The following LRP1B variants were observed in gnomAD, a reference collection of about 807,000 sequenced individuals.
LRP1B encodes the protein low-density lipoprotein receptor-related protein 1B.
Under a neutral mutation model 556.6 loss-of-function variants are expected in LRP1B, and 217 were observed. The ratio of observed to expected loss-of-function variants is 0.39; its 90% CI spans 0.35 to 0.44. The LOEUF is 0.44. Among genes scored for constraint, LRP1B ranks in the 20% least tolerant of loss-of-function variants. The pLI is 1.00. For synonymous variants in LRP1B, 2,047 were observed against 1,865.8 expected (o/e 1.10, Z -2.50); for missense variants, 5,053 against 5,620.8 (o/e 0.90, Z 3.23).
chr2:140,909,709 C>T (rs898946036), intron 21 of LRP1B, among the ~76,000 whole-genome samples: 1 of 150,678 alleles, frequency 6.6e-6, no homozygotes, highest in Non-Finnish European at 1.5e-5. Flanking sequence ...TGTCATTACA[C>T]GTTGTTAATA....
At chr2:140,398,039 T>C (rs1176431052) in intron 66 of LRP1B, among the ~76,000 whole-genome samples, 1 of 152,190 alleles carries the variant, frequency 6.6e-6, no homozygotes, top group Admixed American at 6.6e-5. Context: ...AGCTTTAAAC[T>C]TATCATTCAT....
chr2:140,579,773 C>T (rs767386531), intron 43 of LRP1B, among the ~76,000 whole-genome samples: 5 of 151,962 alleles, frequency 3.3e-5, no homozygotes, highest in East Asian at 1.9e-4. Flanking sequence ...AGCCGGGAGG[C>T]GGGGGTTGCA....
intron 7 of LRP1B, among the ~76,000 whole-genome samples, chr2:141,183,857 T>C (rs963335505): frequency 6.6e-6 from 1 of 152,062 alleles, no homozygotes; most frequent in Non-Finnish European, 1.5e-5. Context: ...TTTGGTACCT[T>C]GACTAAAATA....
chr2:141,893,827 T>C (rs961256772), intron 1 of LRP1B, among the ~76,000 whole-genome samples: 3 of 152,220 alleles, frequency 2.0e-5, no homozygotes, highest in Non-Finnish European at 4.4e-5. Flanking sequence ...AAATAAAACA[T>C]GACTTAGAAG....
intron 41 of LRP1B, among the ~76,000 whole-genome samples, chr2:140,602,714 A>C (rs551909185): frequency 7.1e-6 from 1 of 140,084 alleles, no homozygotes; most frequent in African/African-American, 2.5e-5. Flanking sequence ...CAATAATTAA[A>C]GTTTTTGAAC....
At chr2:141,101,768 C>T (rs1050291257) in intron 7 of LRP1B, among the ~76,000 whole-genome samples, 23 of 152,102 alleles carry the variant, frequency 1.5e-4, no homozygotes, top group Middle Eastern at 3.2e-3. Flanking sequence ...TGTAAACCCA[C>T]GGCATTAATA....
chr2:140,926,661 G>A (rs1290977468), intron 20 of LRP1B, among the ~76,000 whole-genome samples: 2 of 152,072 alleles, frequency 1.3e-5, no homozygotes, highest in African/African-American at 4.8e-5. Context: ...TGATTTTTAG[G>A]ACTCATTTGA....
chr2:140,664,437 T>C lies in LRP1B; in HGVS notation c.6799+35813A>G, dbSNP rs189054487. Among the ~76,000 whole-genome samples, 5 of 152,134 alleles carry C rather than the reference T, an allele frequency of 3.3e-5. No individual in the cohort carries two copies. The East Asian group carries it at 9.7e-4, about 29-fold the overall frequency. On this transcript the variant is annotated intron_variant, in intron 41 of 90. Transcript: ENST00000389484. The stretch of plus-strand genomic sequence containing the variant: ...TAGGAATTTCTCTGTTCAACTATTC[T>C]TTCCAAATACACCCTCCAAAAAAGA...
At chr2:142,070,389 T>A (rs1438043631) in intron 1 of LRP1B, among the ~76,000 whole-genome samples, 1 of 151,870 alleles carries the variant, frequency 6.6e-6, no homozygotes. Flanking sequence ...GTTAAATAAC[T>A]TGTCCTAAGG....
In LRP1B at chr2:140,407,502, T is replaced by A. The variant is rs370061561; in HGVS notation, c.10415-21493A>T. 5.9e-5 allele frequency among the ~76,000 whole-genome samples: 9 copies of A among 152,002 alleles called. 1 individual carries two copies. Among genetic ancestry groups the A allele is most frequent in the African/African-American group, 2.2e-4 (9 of 41,506 alleles). On this transcript the variant is annotated intron_variant, in intron 66 of 90. Transcript: ENST00000389484. ...AGCAAGAAAAGGACAAATAATCCCA[T>A]TAAAAAGTGGGCAAATGACATGGAT...
chr2:140,937,795 A>G (rs1320446428), intron 20 of LRP1B, among the ~76,000 whole-genome samples: 1 of 151,978 alleles, frequency 6.6e-6, no homozygotes, highest in East Asian at 1.9e-4. Context: ...AAGTCAAAAT[A>G]TATTGGTTTT....
At chr2:141,024,611 A>T (rs562040021) in intron 11 of LRP1B, among the ~76,000 whole-genome samples, 7 of 152,180 alleles carry the variant, frequency 4.6e-5, no homozygotes, top group Admixed American at 2.6e-4. Context: ...GATGAATAAA[A>T]TGAAAGATCA....
rs934020819 is a variant in LRP1B at position 141,298,693 on chromosome 2, G to T, written c.344-44052C>A. Among the ~76,000 whole-genome samples the T allele has an allele frequency of 2.0e-5, 3 of 151,978 alleles. No individual in the cohort carries two copies. The South Asian group carries it at 6.2e-4, about 32-fold the overall frequency. ...AGTGAGGCCAGGCGTGGTGGCTCAC[G>T]CCTGTAATACCAGCACTTTGGGAGG... On this transcript the variant is annotated intron_variant, in intron 3 of 90. Coordinates refer to ENST00000389484, the MANE Select transcript of LRP1B (RefSeq NM_018557.3).
At chr2:141,879,175 A>G (rs796419772) in intron 1 of LRP1B, among the ~76,000 whole-genome samples, 7 of 151,990 alleles carry the variant, frequency 4.6e-5, no homozygotes, top group African/African-American at 1.7e-4. Context: ...TATTCCTTAT[A>G]TTAATAAGCA....
intron 2 of LRP1B, among the ~76,000 whole-genome samples, chr2:141,657,362 T>C (rs1690050463): frequency 6.6e-6 from 1 of 152,150 alleles, no homozygotes; most frequent in Non-Finnish European, 1.5e-5. Flanking sequence ...GAAGTCTTTC[T>C]TACGGATCAA....
chr2:140,727,512 A>G (rs939399149), intron 35 of LRP1B, among the ~76,000 whole-genome samples: 7 of 152,220 alleles, frequency 4.6e-5, no homozygotes, highest in African/African-American at 1.7e-4. Context: ...ATCAGGGATT[A>G]CTTCATGGAG....
chr2:141,746,555 G>C (rs181977246), intron 2 of LRP1B, among the ~76,000 whole-genome samples: 29 of 152,058 alleles, frequency 1.9e-4, no homozygotes, highest in African/African-American at 7.0e-4. Context: ...GATCAAGATG[G>C]TCTTTTCTAA....
intron 2 of LRP1B, among the ~76,000 whole-genome samples, chr2:141,648,624 C>G (rs554287876): frequency 1.3e-5 from 2 of 152,086 alleles, no homozygotes; most frequent in Non-Finnish European, 2.9e-5. Context: ...TTTGTATTAC[C>G]AATGCCTAGT....
intron 86 of LRP1B, among the ~76,000 whole-genome samples, chr2:140,255,791 C>T (rs886329155): frequency 1.5e-4 from 23 of 152,184 alleles, no homozygotes; most frequent in African/African-American, 5.5e-4. Context: ...TAAGAACATG[C>T]TTTCACCTAA....
Sources: allele counts gnomAD v4.1 joint callset (sites outside exome capture counted in the v4.1 genomes callset), GRCh38; gene constraint gnomAD v4.1.1; transcripts MANE v1.5; gene names NCBI Gene and HGNC (gene_info 2026-07-23, HGNC 2026-07-21).